The following SYNPR variants were observed in gnomAD, a reference collection of about 807,000 sequenced individuals.
The protein encoded by SYNPR is synaptoporin.
Under a neutral mutation model 32.9 loss-of-function variants are expected in SYNPR, and 23 were observed. That is an observed-to-expected ratio of 0.70 (90% CI 0.50 to 0.99). The LOEUF (loss-of-function observed/expected upper bound fraction) is 0.99, where lower values mean the gene tolerates loss of function less well. SYNPR is among the 50% of genes least tolerant of loss of function. The probability of loss-of-function intolerance (pLI) is 0.00; values close to 1 mark genes in which losing one functional copy is unlikely to be tolerated. For missense variants in SYNPR, 318 were observed against 349.3 expected, an observed-to-expected ratio of 0.91 and a Z score of 0.71; for synonymous variants, 146 against 135.9, an observed-to-expected ratio of 1.07 and a Z score of -0.52.
intron 4 of SYNPR, among the ~76,000 whole-genome samples, chr3:63,598,848 G>A (rs993417100): frequency 1.1e-4 from 17 of 152,174 alleles, no homozygotes; most frequent in African/African-American, 3.9e-4. Flanking sequence ...AGCAGTAAAT[G>A]TTAAAAATGT....
chr3:63,297,216 T>C (rs986969279), intron 2 of SYNPR, among the ~76,000 whole-genome samples: 2 of 152,198 alleles, frequency 1.3e-5, no homozygotes, highest in African/African-American at 4.8e-5. Context: ...TTTACATTTA[T>C]TGTTCAACAC....
At chr3:63,437,369 A>G (rs1420861315) in intron 2 of SYNPR, among the ~76,000 whole-genome samples, 2 of 152,140 alleles carry the variant, frequency 1.3e-5, no homozygotes, top group African/African-American at 4.8e-5. Context: ...GGTTAGGGCA[A>G]GTGACAAGAC....
intron 2 of SYNPR, among the ~76,000 whole-genome samples, chr3:63,468,793 T>G (rs921820182): frequency 5.9e-5 from 9 of 152,148 alleles, no homozygotes; most frequent in African/African-American, 2.2e-4. Context: ...AGAGGGAGAT[T>G]CTGTCTCAAA....
At chr3:63,450,082 G>A (rs910272159) in intron 2 of SYNPR, among the ~76,000 whole-genome samples, 2 of 152,124 alleles carry the variant, frequency 1.3e-5, no homozygotes, top group Non-Finnish European at 2.9e-5. Flanking sequence ...CACAGCAGTA[G>A]TTAGGGAATT....
chr3:63,431,933 G>C (rs1700004472), intron 2 of SYNPR, among the ~76,000 whole-genome samples: 1 of 151,190 alleles, frequency 6.6e-6, no homozygotes, highest in Admixed American at 6.6e-5. Flanking sequence ...TAAACCTGCA[G>C]AACTCACCAC....
At chr3:63,348,441 G>T (rs1333925297) in intron 2 of SYNPR, among the ~76,000 whole-genome samples, 1 of 152,052 alleles carries the variant, frequency 6.6e-6, no homozygotes, top group African/African-American at 2.4e-5. Flanking sequence ...TTACCTGTTG[G>T]TTGCATAGTT....
chr3:63,357,506 T>C (rs1247035426), intron 2 of SYNPR, among the ~76,000 whole-genome samples: 1 of 152,104 alleles, frequency 6.6e-6, no homozygotes. Flanking sequence ...TTTGGACAAC[T>C]AGATAAAGCA....
intron 2 of SYNPR, among the ~76,000 whole-genome samples, chr3:63,379,795 G>A (rs749831134): frequency 2.2e-4 from 34 of 151,890 alleles, no homozygotes; most frequent in African/African-American, 3.9e-4. Flanking sequence ...CCATTAACTC[G>A]TCATTTACAT....
chr3:63,369,954 T>C (rs1042288579), intron 2 of SYNPR, among the ~76,000 whole-genome samples: 1 of 152,208 alleles, frequency 6.6e-6, no homozygotes. Context: ...TCTCGTCTTA[T>C]CTCATGACCA....
At chr3:63,287,784 T>C (rs909258474) in intron 2 of SYNPR, among the ~76,000 whole-genome samples, 4 of 152,188 alleles carry the variant, frequency 2.6e-5, no homozygotes, top group African/African-American at 9.7e-5. Context: ...CTGGAAACAA[T>C]TGTTTAGCTT....
chr3:63,363,990 A>G (rs2087698188), intron 2 of SYNPR, among the ~76,000 whole-genome samples: 1 of 152,160 alleles, frequency 6.6e-6, no homozygotes. Context: ...TGTCCCTGCT[A>G]CCCCTGACGA....
At chr3:63,295,453 G>T (rs567577960) in intron 2 of SYNPR, among the ~76,000 whole-genome samples, 1 of 152,220 alleles carries the variant, frequency 6.6e-6, no homozygotes, top group East Asian at 1.9e-4. Context: ...AAGACCCTCC[G>T]TGGTTAACCT....
At chr3:63,250,445 A>G (rs188509948) in intron 1 of SYNPR, among the ~76,000 whole-genome samples, 1 of 152,304 alleles carries the variant, frequency 6.6e-6, no homozygotes, top group African/African-American at 2.4e-5. Flanking sequence ...AGTGCCTGCT[A>G]TATACCAGGC....
intron 1 of SYNPR, among the ~76,000 whole-genome samples, chr3:63,234,510 T>C (rs1234992639): frequency 6.6e-6 from 1 of 152,126 alleles, no homozygotes; most frequent in East Asian, 1.9e-4. Flanking sequence ...TGGAAGAAAA[T>C]GAATCATATT....
chr3:63,473,436 T>C (rs1700842398), intron 2 of SYNPR, among the ~76,000 whole-genome samples: 1 of 152,112 alleles, frequency 6.6e-6, no homozygotes, highest in South Asian at 2.1e-4. Flanking sequence ...TCAACAAGCA[T>C]TTAGGGAGCA....
chr3:63,430,030 A>C (rs1161490014), intron 2 of SYNPR, among the ~76,000 whole-genome samples: 1 of 152,250 alleles, frequency 6.6e-6, no homozygotes, highest in African/African-American at 2.4e-5. Flanking sequence ...AGGCTTGGTG[A>C]CATATCCTTC....
At chr3:63,611,718 C>T (rs1305352717) in intron 5 of SYNPR, among the ~76,000 whole-genome samples, 4 of 152,112 alleles carry the variant, frequency 2.6e-5, no homozygotes, top group Non-Finnish European at 5.9e-5. Context: ...AGAAGATAGC[C>T]ACTCTGCAGT....
chr3:63,238,890 C>T (rs1685985485), intron 1 of SYNPR, among the ~76,000 whole-genome samples: 1 of 151,976 alleles, frequency 6.6e-6, no homozygotes, highest in Non-Finnish European at 1.5e-5. Context: ...GCTGTGTTAT[C>T]TTTAAAGAAT....
At chr3:63,366,624 G>C (rs952633500) in intron 2 of SYNPR, among the ~76,000 whole-genome samples, 4 of 152,150 alleles carry the variant, frequency 2.6e-5, no homozygotes, top group Admixed American at 2.6e-4. Context: ...CACCAATCCA[G>C]CTTAGAAAGT....
Sources: allele counts gnomAD v4.1 joint callset (sites outside exome capture counted in the v4.1 genomes callset), GRCh38; gene constraint gnomAD v4.1.1; transcripts MANE v1.5; gene names NCBI Gene and HGNC (gene_info 2026-07-23, HGNC 2026-07-21).